Variants in HTRA1 observed in about 807,000 individuals in gnomAD.
The protein encoded by HTRA1 is serine protease HTRA1.
HTRA1 carries 26 observed loss-of-function variants against 49.7 expected under a neutral mutation model. That is an observed-to-expected ratio of 0.52 (90% CI 0.38 to 0.73). The LOEUF is 0.73. HTRA1 is among the 30% of genes least tolerant of loss of function. The pLI, the probability that HTRA1 is intolerant of heterozygous loss-of-function variation, is 0.00. For missense variants in HTRA1, 561 were observed against 667.2 expected (o/e 0.84, Z 1.75); for synonymous variants, 291 against 286.9 (o/e 1.01, Z -0.14).
chr10:122,490,779 T>C lies in HTRA1; in HGVS notation c.777+1153T>C, dbSNP rs1387687993. Among the ~76,000 whole-genome samples, 2 of 152,248 alleles carry C rather than the reference T, an allele frequency of 1.3e-5. No individual in the cohort carries two copies. The highest frequency in any genetic ancestry group is 2.9e-5 in the Non-Finnish European group (2 of 68,042). The stretch of plus-strand genomic sequence containing the variant: ...TTACACCTCCTTCTGGAAACAACTC[T>C]GCGTGTGCTGTTTGGGTGGTAGGAT... On this transcript the variant is annotated intron_variant, in intron 3 of 8. Coordinates refer to ENST00000368984, the MANE Select transcript of HTRA1 (RefSeq NM_002775.5). This position sits in a 1 kb window ranked among gnomAD's most constrained non-coding sequence, Gnocchi z 4.2.
At chr10:122,498,136 C>G (rs903763500) in intron 3 of HTRA1, among the ~76,000 whole-genome samples, 1 of 143,352 alleles carries the variant, frequency 7.0e-6, no homozygotes, top group Non-Finnish European at 1.5e-5. Context: ...CATTTGTGTG[C>G]TCTCTCTTTC....
At chr10:122,473,958 C>T (rs994334918) in intron 1 of HTRA1, among the ~76,000 whole-genome samples, 7 of 152,108 alleles carry the variant, frequency 4.6e-5, no homozygotes, top group Non-Finnish European at 1.0e-4. Flanking sequence ...GGAGACCAGA[C>T]GTCTATTTTA....
intron 1 of HTRA1, among the ~76,000 whole-genome samples, chr10:122,462,821 C>T (rs537174754): frequency 4.6e-5 from 7 of 152,340 alleles, no homozygotes; most frequent in South Asian, 2.1e-4. Context: ...ATCACGAAAT[C>T]TGCAGAGGCG....
chr10:122,488,779 G>T, intron 1 of HTRA1, 123 bp from the exon 2 acceptor site: 5 of 833,158 alleles, frequency 6.0e-6, no homozygotes, highest in Non-Finnish European at 6.3e-6. Context: ...GGGGAATTGC[G>T]CTCACTCCGC....
At chr10:122,511,735 AAAAAAAAAAATAAAT>A (rs1174337821) in intron 7 of HTRA1, among the ~76,000 whole-genome samples, 1 of 11,114 alleles carries the variant, frequency 9.0e-5, no homozygotes. Flanking sequence ...TCTGTCTCAA[AAAAAAAAAAATAAAT>A]AAAAAAAATA....
chr10:122,496,653 T>C (rs1301819984), intron 3 of HTRA1, among the ~76,000 whole-genome samples: 3 of 152,028 alleles, frequency 2.0e-5, no homozygotes, highest in African/African-American at 4.8e-5. Flanking sequence ...GCAGATAGTG[T>C]AGGCAGGGAA....
At chr10:122,486,068 C>T (rs1381286298) in intron 1 of HTRA1, among the ~76,000 whole-genome samples, 1 of 152,100 alleles carries the variant, frequency 6.6e-6, no homozygotes, top group East Asian at 1.9e-4. Context: ...ACCTGGAAAC[C>T]TAGGAGGGTA....
chr10:122,479,107 G>A (rs1307104391), intron 1 of HTRA1, among the ~76,000 whole-genome samples: 1 of 152,210 alleles, frequency 6.6e-6, no homozygotes, highest in African/African-American at 2.4e-5. Flanking sequence ...CGAATACACT[G>A]CGTTCTGTTT....
intron 3 of HTRA1, among the ~76,000 whole-genome samples, chr10:122,503,523 A>G (rs950165319): frequency 4.6e-5 from 7 of 152,202 alleles, no homozygotes; most frequent in African/African-American, 1.7e-4. Context: ...TCTGCCAGAC[A>G]TCATTCCCTT....
At chr10:122,505,147 G>T (rs182697450) in intron 3 of HTRA1, among the ~76,000 whole-genome samples, 2 of 152,328 alleles carry the variant, frequency 1.3e-5, no homozygotes, top group Admixed American at 1.3e-4. Context: ...CTGTACGTTA[G>T]TCCCATTTTC....
At chr10:122,477,834 T>TA (rs2097489329) in intron 1 of HTRA1, among the ~76,000 whole-genome samples, 1 of 152,252 alleles carries the variant, frequency 6.6e-6, no homozygotes, top group South Asian at 2.1e-4. Context: ...CCATTGGCCT[T>TA]AATTTCCAAC....
chr10:122,461,778 G>A lies in HTRA1; in HGVS notation c.126G>A (p.Glu42=), dbSNP rs2133905058. The A allele has an allele frequency of 9.5e-7, 1 of 1,051,652 alleles. No homozygotes were observed. The highest frequency in any genetic ancestry group is 1.1e-6 in the Non-Finnish European group (1 of 874,506). The allele number at this position is 1,051,652 out of a possible 1,614,324, so 65.1% of individuals were successfully genotyped here. Residue 42 remains glutamate, a synonymous_variant, in exon 1 of 9, where the codon GAG becomes GAA. Coordinates refer to ENST00000368984, the MANE Select transcript of HTRA1 (RefSeq NM_002775.5). ...CCGCCGGGTGCCCAGACCGCTGCGA[G>A]CCGGCGCGCTGCCCGCCGCAGCCGG... ...PLAAGCPDRC[E]PARCPPQPEH...
intron 1 of HTRA1, among the ~76,000 whole-genome samples, chr10:122,462,791 T>G (rs548255015): frequency 1.1e-4 from 17 of 152,340 alleles, no homozygotes; most frequent in Non-Finnish European, 1.5e-4. Context: ...TCCTTTTGAA[T>G]AAGCTGAATC....
rs562262620 is a variant in HTRA1, at chr10:122,471,003, C to T, written c.472+8879C>T. 1.1e-4 allele frequency among the ~76,000 whole-genome samples: 17 copies of T among 152,256 alleles called. No individual in the cohort carries two copies. The South Asian group carries it at 3.5e-3, about 32-fold the overall frequency. ...CATGTCCAAGGGCAGATGCGTTGGT[C>T]CAGAACATCAGCATCCCAATCATTA... On this transcript the variant is annotated intron_variant, in intron 1 of 8. Coordinates refer to ENST00000368984, the MANE Select transcript of HTRA1 (RefSeq NM_002775.5).
At chr10:122,511,744 A>T (rs1218134836) in intron 7 of HTRA1, among the ~76,000 whole-genome samples, 41 of 58,810 alleles carry the variant, frequency 7.0e-4, no homozygotes, top group Non-Finnish European at 1.4e-3. Context: ...AAAAAAAAAA[A>T]ATAAATAAAA....
intron 2 of HTRA1, 28 bp downstream of exon 2, chr10:122,489,029 A>G: frequency 6.5e-7 from 1 of 1,533,338 alleles, no homozygotes; most frequent in South Asian, 1.1e-5. Flanking sequence ...TTTTCCTATA[A>G]CCTCCGAAGC....
intron 4 of HTRA1, among the ~76,000 whole-genome samples, chr10:122,507,115 G>A (rs2097503394): frequency 6.6e-6 from 1 of 152,168 alleles, no homozygotes; most frequent in South Asian, 2.1e-4. Flanking sequence ...AAGTTGTATT[G>A]GGTGCTTTAG....
chr10:122,496,225 G>GTTTTGTTTTTTTTTTTTTTT (rs1287521208), intron 3 of HTRA1, among the ~76,000 whole-genome samples: 7 of 80,408 alleles, frequency 8.7e-5, no homozygotes, highest in African/African-American at 3.6e-4. Flanking sequence ...GAGATTGTGG[G>GTTTTGTTTTTTTTTTTTTTT]TTCTTTTTTT....
chr10:122,484,002 GACGGTTTT>G (rs1207604730), intron 1 of HTRA1, among the ~76,000 whole-genome samples: 2 of 152,160 alleles, frequency 1.3e-5, no homozygotes, highest in African/African-American at 4.8e-5. Context: ...TGCAAATAAA[GACGGTTTT>G]ACATTTTCCT....
Sources: allele counts gnomAD v4.1 joint callset (sites outside exome capture counted in the v4.1 genomes callset), GRCh38; gene constraint gnomAD v4.1.1; non-coding constraint Gnocchi (gnomAD v3.1); transcripts MANE v1.5; gene names NCBI Gene and HGNC (gene_info 2026-07-23, HGNC 2026-07-21).